Variants in FHIT observed in about 807,000 individuals in gnomAD.
The protein encoded by FHIT is fragile histidine triad diadenosine triphosphatase, also known as bis(5'-adenosyl)-triphosphatase.
A neutral mutation model predicts 17.9 loss-of-function variants in FHIT; 19 were observed. That is an observed-to-expected ratio of 1.06 (90% CI 0.74 to 1.56). The LOEUF (loss-of-function observed/expected upper bound fraction) is 1.56. Among genes scored for constraint, FHIT ranks in the 40% most tolerant of loss-of-function variants. The pLI, the probability that FHIT is intolerant of heterozygous loss-of-function variation, is 0.00. For synonymous variants in FHIT, 81 were observed against 69.7 expected (o/e 1.16, Z -0.81); for missense variants, 248 against 189.2 (o/e 1.31, Z -1.82).
intron 5 of FHIT, among the ~76,000 whole-genome samples, chr3:60,055,806 G>C (rs570919026): frequency 6.6e-6 from 1 of 152,122 alleles, no homozygotes; most frequent in African/African-American, 2.4e-5. Flanking sequence ...AGGCTAACTC[G>C]GAGCTGATGC....
intron 4 of FHIT, among the ~76,000 whole-genome samples, chr3:60,592,584 T>C (rs1553664774): frequency 1.3e-5 from 2 of 152,112 alleles, no homozygotes; most frequent in African/African-American, 4.8e-5. Flanking sequence ...AGCCATGCCA[T>C]TCACTGCCTG....
intron 4 of FHIT, among the ~76,000 whole-genome samples, chr3:60,583,751 C>T (rs782328207): frequency 3.3e-5 from 5 of 152,046 alleles, no homozygotes; most frequent in Non-Finnish European, 7.4e-5. Context: ...TTTGCCATAA[C>T]GCAAAGGTCT....
chr3:60,679,515 C>T (rs2040698120), intron 4 of FHIT, among the ~76,000 whole-genome samples: 2 of 152,030 alleles, frequency 1.3e-5, no homozygotes, highest in African/African-American at 4.8e-5. Flanking sequence ...GATTACATAG[C>T]AATGCAATTT....
chr3:61,190,650 T>C (rs1050741465), intron 2 of FHIT, among the ~76,000 whole-genome samples: 5 of 152,202 alleles, frequency 3.3e-5, no homozygotes, highest in African/African-American at 1.2e-4. Flanking sequence ...ATTGTGGCAC[T>C]ATTCACAATA....
intron 3 of FHIT, among the ~76,000 whole-genome samples, chr3:60,983,390 G>A (rs1710577460): frequency 6.6e-6 from 1 of 152,144 alleles, no homozygotes; most frequent in African/African-American, 2.4e-5. Flanking sequence ...AGATCTCCAG[G>A]ACCCATCTTC....
At chr3:60,035,133 A>G (rs1300437060) in intron 5 of FHIT, among the ~76,000 whole-genome samples, 1 of 152,222 alleles carries the variant, frequency 6.6e-6, no homozygotes, top group East Asian at 1.9e-4. Flanking sequence ...CAGCCCAGTA[A>G]AAATGAGCTT....
chr3:60,538,522 G>A (rs1028109462), intron 4 of FHIT, among the ~76,000 whole-genome samples: 5 of 152,126 alleles, frequency 3.3e-5, no homozygotes, highest in Admixed American at 6.5e-5. Context: ...GAGGCATCAT[G>A]CTACCTGACT....
intron 5 of FHIT, among the ~76,000 whole-genome samples, chr3:60,336,512 G>A (rs2106877567): frequency 6.6e-6 from 1 of 152,174 alleles, no homozygotes; most frequent in Non-Finnish European, 1.5e-5. Context: ...TAAATTTCAA[G>A]ATCTCATTTA....
chr3:61,176,303 T>C (rs1248263682), intron 2 of FHIT, among the ~76,000 whole-genome samples: 1 of 152,258 alleles, frequency 6.6e-6, no homozygotes, highest in Non-Finnish European at 1.5e-5. Context: ...AATCATTTTA[T>C]TCTGAAGAGA....
intron 5 of FHIT, among the ~76,000 whole-genome samples, chr3:60,399,607 G>T (rs1701584146): frequency 6.6e-6 from 1 of 152,088 alleles, no homozygotes; most frequent in Non-Finnish European, 1.5e-5. Flanking sequence ...AAGGTGAGCA[G>T]GTGAATATTC....
chr3:60,744,270 A>AAAAAAAAAAAC (rs2042307899), intron 4 of FHIT, among the ~76,000 whole-genome samples: 7 of 22,514 alleles, frequency 3.1e-4, no homozygotes, highest in Non-Finnish European at 4.3e-4. Flanking sequence ...AAACAAAACA[A>AAAAAAAAAAAC]AAAAAAAAAA....
intron 5 of FHIT, among the ~76,000 whole-genome samples, chr3:60,047,140 A>G (rs1272821506): frequency 2.0e-5 from 3 of 152,264 alleles, no homozygotes; most frequent in Non-Finnish European, 4.4e-5. Flanking sequence ...ATGTTCCACA[A>G]AACGTAACAG....
intron 3 of FHIT, among the ~76,000 whole-genome samples, chr3:60,965,423 C>A (rs1334190037): frequency 6.6e-6 from 1 of 152,208 alleles, no homozygotes; most frequent in Admixed American, 6.5e-5. Flanking sequence ...TCTTCTGAAG[C>A]CTTCTTCACT....
intron 2 of FHIT, among the ~76,000 whole-genome samples, chr3:61,045,114 T>G (rs1258881589): frequency 6.6e-6 from 1 of 152,180 alleles, no homozygotes; most frequent in African/African-American, 2.4e-5. Context: ...AATGACAGGA[T>G]TAAATACACA....
intron 4 of FHIT, among the ~76,000 whole-genome samples, chr3:60,674,066 C>T (rs1288114994): frequency 1.3e-5 from 2 of 152,058 alleles, no homozygotes; most frequent in Admixed American, 1.3e-4. Flanking sequence ...TTTTGCCCCA[C>T]AGATCACTGA....
At chr3:61,002,409 T>G (rs1394901896) in intron 3 of FHIT, among the ~76,000 whole-genome samples, 1 of 152,146 alleles carries the variant, frequency 6.6e-6, no homozygotes, top group African/African-American at 2.4e-5. Flanking sequence ...ACTACACGCA[T>G]GTGCCAACAT....
intron 3 of FHIT, among the ~76,000 whole-genome samples, chr3:60,949,507 G>C (rs1348036812): frequency 6.6e-6 from 1 of 152,114 alleles, no homozygotes; most frequent in African/African-American, 2.4e-5. Flanking sequence ...CCCTTAACCA[G>C]ACCTGAAAAA....
intron 5 of FHIT, among the ~76,000 whole-genome samples, chr3:60,436,165 A>G (rs1344920291): frequency 6.6e-6 from 1 of 152,004 alleles, no homozygotes; most frequent in East Asian, 1.9e-4. Context: ...CTTCTGCCTC[A>G]GCTTCCCAAG....
chr3:61,035,768 T>G (rs1490303555), intron 3 of FHIT, among the ~76,000 whole-genome samples: 3 of 152,152 alleles, frequency 2.0e-5, no homozygotes, highest in Admixed American at 6.5e-5. Context: ...CAGATAGTGA[T>G]GATGTGACAT....
Sources: allele counts gnomAD v4.1 joint callset (sites outside exome capture counted in the v4.1 genomes callset), GRCh38; gene constraint gnomAD v4.1.1; transcripts MANE v1.5; gene names NCBI Gene and HGNC (gene_info 2026-07-23, HGNC 2026-07-21).